CEP41: variants seen among roughly 807,000 people sequenced by gnomAD.
The protein encoded by CEP41 is centrosomal protein 41, also known as centrosomal protein of 41 kDa.
Under a neutral mutation model 44.3 loss-of-function variants are expected in CEP41, and 32 were observed. That is an observed-to-expected ratio of 0.72 (90% CI 0.54 to 0.97). CEP41 has a LOEUF of 0.97. Among genes scored for constraint, CEP41 ranks in the 50% least tolerant of loss-of-function variants. The pLI is 0.00. For missense variants in CEP41, 432 were observed against 455.2 expected (o/e 0.95, Z 0.46); for synonymous variants, 151 against 168.5 (o/e 0.90, Z 0.80).
Position 130,398,032 on chromosome 7 carries a change from C to A in CEP41, c.*859G>T, listed in dbSNP as rs781930185. On this transcript the variant is annotated 3_prime_UTR_variant, in exon 11 of 11. Transcript: ENST00000223208. ...AACCAAAGCTGGTATTTTCAACTGG[C>A]CATAATTTCTGTCCATCTAACATGG... 2.2e-6 allele frequency: 1 copy of A among 454,226 alleles called. No homozygotes were observed. The highest frequency in any genetic ancestry group is 7.0e-5 in the East Asian group (1 of 14,388). 28.1% of individuals were successfully genotyped at this position (454,226 alleles called of 1,614,324 possible).
Position 130,411,060 on chromosome 7 carries a change from G to C in CEP41, c.277+62C>G. 2.2e-6 allele frequency: 3 copies of C among 1,379,036 alleles called. No homozygotes were observed. The Middle Eastern group carries it at 5.4e-4, about 246-fold the overall frequency. 85.4% of individuals were successfully genotyped at this position (1,379,036 alleles called of 1,614,324 possible). On this transcript the variant is annotated intron_variant, in intron 5 of 10. Transcript: ENST00000223208. ...TGGGAACAGACAGCAAATGTGTACA[G>C]GGTGAGTGTTTCAGTCAAATGGTCA... is the stretch of plus-strand genomic sequence containing the variant.
chr7:130,413,658 T>C (rs1554420296), intron 3 of CEP41, among the ~76,000 whole-genome samples: 1 of 152,076 alleles, frequency 6.6e-6, no homozygotes, highest in East Asian at 1.9e-4. Context: ...ATAACTCACA[T>C]ATAGGTACTT....
intron 1 of CEP41, among the ~76,000 whole-genome samples, chr7:130,430,042 C>T (rs1421718201): frequency 6.6e-6 from 1 of 152,136 alleles, no homozygotes; most frequent in Non-Finnish European, 1.5e-5. Context: ...CATACTCTGT[C>T]AGGAAGATTG....
In CEP41 at chr7:130,419,950, T is replaced by TACACAC. The variant is rs138793861; in HGVS notation, c.98-2990_98-2985dup. The TACACAC allele has an allele frequency of 2.4e-4, 234 of 969,788 alleles. No individual in the cohort carries two copies. In the African/African-American group the frequency reaches 2.7e-3, roughly 11 times the overall value. 60.1% of individuals were successfully genotyped at this position (969,788 alleles called of 1,614,324 possible). On this transcript the variant is annotated intron_variant, in intron 2 of 10. Coordinates refer to ENST00000223208, the MANE Select transcript of CEP41 (RefSeq NM_018718.3). ...AAGCCAAGGACTATTTATGGGCACG[T>TACACAC]ACACACACACACACACACACACGTA...
chr7:130,400,610 A>G, intron 9 of CEP41, 97 bp downstream of exon 9: 1 of 829,110 alleles, frequency 1.2e-6, no homozygotes, highest in Non-Finnish European at 2.0e-6. Context: ...TCTTTCCAGA[A>G]CACTGAATTC....
chr7:130,399,222 G>A, intron 10 of CEP41, 183 bp from the exon 11 acceptor site: 2 of 693,894 alleles, frequency 2.9e-6, no homozygotes, highest in South Asian at 3.5e-5. Context: ...GCCTGAAGGT[G>A]GGGAGGGGGA....
chr7:130,421,029 T>G (rs2117644843), intron 2 of CEP41: 1 of 980,608 alleles, frequency 1.0e-6, no homozygotes, highest in Admixed American at 6.1e-5. Context: ...AAGGTAGCAT[T>G]TAGCTTCTAC....
chr7:130,417,591 A>G (rs1390699121), intron 2 of CEP41, among the ~76,000 whole-genome samples: 1 of 152,176 alleles, frequency 6.6e-6, no homozygotes, highest in Non-Finnish European at 1.5e-5. Context: ...CTCATGTTTT[A>G]TAGTATGTTT....
At chr7:130,422,240 C>T (rs781916632) in intron 2 of CEP41, among the ~76,000 whole-genome samples, 38 of 152,154 alleles carry the variant, frequency 2.5e-4, no homozygotes, top group Non-Finnish European at 5.3e-4. Flanking sequence ...GAATTGCTTG[C>T]TGTTTGGTAA....
At chr7:130,407,935 C>G (rs1460935759) in intron 5 of CEP41, among the ~76,000 whole-genome samples, 1 of 152,074 alleles carries the variant, frequency 6.6e-6, no homozygotes. Flanking sequence ...GGTTAATATA[C>G]TTAATTTATA....
chr7:130,430,508 T>C (rs33929476), intron 1 of CEP41, among the ~76,000 whole-genome samples: 28,336 of 152,152 alleles, frequency 0.19, 2,771 homozygotes, highest in Middle Eastern at 0.26. Flanking sequence ...AAAGTAACTA[T>C]AATGCCAATT....
At chr7:130,421,408 G>A (rs1383234480) in intron 2 of CEP41, 4 of 985,332 alleles carry the variant, frequency 4.1e-6, no homozygotes, top group Non-Finnish European at 3.6e-6. Context: ...AAGAGGCACA[G>A]TGGTCCTTTG....
At chr7:130,416,356 T>C (rs1554420880) in intron 3 of CEP41, among the ~76,000 whole-genome samples, 2 of 152,270 alleles carry the variant, frequency 1.3e-5, no homozygotes, top group African/African-American at 2.4e-5. Flanking sequence ...GCAAGGGCAA[T>C]GCACTCAATG....
At chr7:130,432,185 G>A (rs1418020596) in intron 1 of CEP41, among the ~76,000 whole-genome samples, 1 of 152,146 alleles carries the variant, frequency 6.6e-6, no homozygotes, top group East Asian at 1.9e-4. Flanking sequence ...GAGAATATGA[G>A]TCAAGAAAGG....
rs1187498164 is a variant in CEP41, at chr7:130,440,995, T to C, written c.-29A>G. On this transcript the variant is annotated 5_prime_UTR_variant, in exon 1 of 11. Transcript: ENST00000223208. ...TTCTCCAACCGACCACGTTCGGGGT[T>C]CTAGCCTCACGGGTTGCCTCTAACC... is the stretch of plus-strand genomic sequence containing the variant. 2 of 1,611,946 alleles carry C rather than the reference T, an allele frequency of 1.2e-6. No individual in the cohort carries two copies. The highest frequency in any genetic ancestry group is 1.7e-6 in the Non-Finnish European group (2 of 1,179,826).
chr7:130,420,046 G>A (rs1019701201), intron 2 of CEP41: 26 of 985,290 alleles, frequency 2.6e-5, no homozygotes, highest in Admixed American at 6.2e-5. Flanking sequence ...TGATGGTCAG[G>A]TGCACTGGAT....
intron 3 of CEP41, 105 bp from the exon 4 acceptor site, chr7:130,412,345 A>G (rs781813595): frequency 5.8e-6 from 4 of 692,578 alleles, no homozygotes; most frequent in African/African-American, 1.8e-5. Context: ...ATGCTTTTAC[A>G]TCTATTATCT....
chr7:130,435,368 C>T (rs1797931643), intron 1 of CEP41, among the ~76,000 whole-genome samples: 1 of 152,018 alleles, frequency 6.6e-6, no homozygotes, highest in South Asian at 2.1e-4. Flanking sequence ...TATTTACAGT[C>T]ATCACCAACA....
intron 2 of CEP41, chr7:130,421,261 A>G (rs1241227076): frequency 1.0e-6 from 1 of 985,336 alleles, no homozygotes; most frequent in Admixed American, 6.1e-5. Flanking sequence ...GATTTTGTGC[A>G]GCAGTAATCT....
Sources: gnomAD v4.1 joint callset for allele counts (sites outside exome capture counted in the v4.1 genomes callset) on GRCh38, gnomAD v4.1.1 for gene constraint, MANE v1.5 for transcripts, NCBI Gene and HGNC (gene_info 2026-07-23, HGNC 2026-07-21) for gene names.